ADAMTSL1: variants seen among roughly 807,000 people sequenced by gnomAD.
The protein encoded by ADAMTSL1 is ADAMTS-like protein 1.
A neutral mutation model predicts 201.8 loss-of-function variants in ADAMTSL1; 126 were observed. The observed-to-expected ratio is 0.62, with a 90% confidence interval of 0.54 to 0.72. The LOEUF is 0.72. Ranked by LOEUF, ADAMTSL1 falls within the 30% of genes least tolerant of loss-of-function variation. ADAMTSL1 has a pLI of 0.00. For missense variants in ADAMTSL1, 2,679 were observed against 2,277.8 expected (o/e 1.18, Z -3.59); for synonymous variants, 1,121 against 903.4 (o/e 1.24, Z -4.32).
chr9:18,262,420 A>T (rs989536734), intron 2 of ADAMTSL1, among the ~76,000 whole-genome samples: 3 of 152,214 alleles, frequency 2.0e-5, no homozygotes, highest in African/African-American at 7.2e-5. Flanking sequence ...TAAACATATT[A>T]TTTTTAAATG....
chr9:18,310,807 G>C (rs896830607), intron 2 of ADAMTSL1, among the ~76,000 whole-genome samples: 2 of 152,102 alleles, frequency 1.3e-5, no homozygotes, highest in African/African-American at 4.8e-5. Flanking sequence ...AATTCCTCAA[G>C]GATCTAGAAC....
At position 18,863,633 on chromosome 9, in the gene ADAMTSL1, A is replaced by G. The variant is rs969568709; in HGVS notation, c.4250-24198A>G. On this transcript the variant is annotated intron_variant, in intron 23 of 28. Transcript: ENST00000380548. ...GAGTAACTGAGTTTTTCCAATATGA[A>G]TTAATCATTCCTCTCAGCCAGCTGC... is the stretch of plus-strand genomic sequence containing the variant. 2.5e-4 allele frequency among the ~76,000 whole-genome samples: 38 copies of G among 152,154 alleles called. 1 individual carries two copies. The highest frequency in any genetic ancestry group is 5.3e-4 in the Non-Finnish European group (36 of 68,032).
At chr9:18,238,651 AAG>A (rs1207739964) in intron 2 of ADAMTSL1, among the ~76,000 whole-genome samples, 3 of 152,212 alleles carry the variant, frequency 2.0e-5, no homozygotes, top group Non-Finnish European at 4.4e-5. Context: ...ATATCATAGA[AAG>A]AGAGCACTGA....
At chr9:18,197,689 T>C (rs573113638) in intron 2 of ADAMTSL1, among the ~76,000 whole-genome samples, 1 of 151,038 alleles carries the variant, frequency 6.6e-6, no homozygotes, top group Admixed American at 6.6e-5. Context: ...CCTGCCTAAT[T>C]GCCCTGGCCA....
chr9:18,886,322 G>A (rs761292082), intron 23 of ADAMTSL1, among the ~76,000 whole-genome samples: 5 of 151,092 alleles, frequency 3.3e-5, no homozygotes, highest in Non-Finnish European at 7.4e-5. Flanking sequence ...GGAGTTGGAG[G>A]TTGCTGTGAG....
intron 1 of ADAMTSL1, among the ~76,000 whole-genome samples, chr9:18,091,033 T>C (rs1160046564): frequency 6.6e-6 from 1 of 150,930 alleles, no homozygotes; most frequent in Non-Finnish European, 1.5e-5. Context: ...CTTGAAAGAA[T>C]CTTTAGTTAA....
intron 1 of ADAMTSL1, among the ~76,000 whole-genome samples, chr9:18,055,624 A>C (rs1311902537): frequency 6.6e-6 from 1 of 152,238 alleles, no homozygotes; most frequent in Admixed American, 6.5e-5. Context: ...AACAACCACG[A>C]GGAGTCGTAA....
intron 1 of ADAMTSL1, among the ~76,000 whole-genome samples, chr9:18,031,383 CT>C (rs371936841): frequency 0.014 from 2,134 of 152,082 alleles, 17 homozygotes; most frequent in Non-Finnish European, 0.021. Flanking sequence ...AGTTGATTGG[CT>C]TTTTTTCTGG....
intron 23 of ADAMTSL1, among the ~76,000 whole-genome samples, chr9:18,854,305 A>G (rs1414968089): frequency 6.6e-6 from 1 of 152,160 alleles, no homozygotes; most frequent in Non-Finnish European, 1.5e-5. Flanking sequence ...TGTTAATACA[A>G]CCGTAGGTTC....
chr9:18,792,033 T>C (rs951507996), intron 19 of ADAMTSL1, among the ~76,000 whole-genome samples: 1 of 152,038 alleles, frequency 6.6e-6, no homozygotes, highest in Non-Finnish European at 1.5e-5. Flanking sequence ...TAGGAGAGGG[T>C]TACATCCTCT....
intron 1 of ADAMTSL1, among the ~76,000 whole-genome samples, chr9:18,013,099 C>T (rs1028326426): frequency 6.6e-6 from 1 of 151,776 alleles, no homozygotes; most frequent in African/African-American, 2.4e-5. Flanking sequence ...ATTATTCATC[C>T]TGTACTCTGA....
At chr9:17,934,181 G>T (rs923999772) in intron 1 of ADAMTSL1, among the ~76,000 whole-genome samples, 5 of 152,104 alleles carry the variant, frequency 3.3e-5, no homozygotes, top group Non-Finnish European at 7.3e-5. Flanking sequence ...TGGGATTATT[G>T]TGCATACATA....
intron 9 of ADAMTSL1, 122 bp from the exon 10 acceptor site, chr9:18,675,735 T>C: frequency 1.1e-6 from 1 of 877,804 alleles, no homozygotes; most frequent in South Asian, 1.6e-5. Context: ...TGTTGTTTTA[T>C]AGATACAATT....
intron 2 of ADAMTSL1, among the ~76,000 whole-genome samples, chr9:18,217,623 C>G (rs2132343298): frequency 6.6e-6 from 1 of 152,274 alleles, no homozygotes; most frequent in Admixed American, 6.5e-5. Context: ...CAGGTTATGT[C>G]TAAATGTAGT....
chr9:18,326,886 T>TG, intron 2 of ADAMTSL1, among the ~76,000 whole-genome samples: 1 of 152,248 alleles, frequency 6.6e-6, no homozygotes, highest in East Asian at 1.9e-4. Flanking sequence ...TATGACCTGT[T>TG]GCTTGCAACT....
chr9:18,457,188 G>A (rs1353938780), intron 2 of ADAMTSL1, among the ~76,000 whole-genome samples: 1 of 151,920 alleles, frequency 6.6e-6, no homozygotes, highest in Non-Finnish European at 1.5e-5. Flanking sequence ...CTGAGCTAAT[G>A]TTGAGATATT....
At chr9:18,720,783 A>T (rs770700610) in intron 14 of ADAMTSL1, among the ~76,000 whole-genome samples, 7 of 152,172 alleles carry the variant, frequency 4.6e-5, no homozygotes, top group Admixed American at 1.3e-4. Context: ...TTGAAAAAAA[A>T]TTTTAAAATA....
At chr9:18,824,404 C>T (rs1039115123) in intron 21 of ADAMTSL1, among the ~76,000 whole-genome samples, 1 of 152,182 alleles carries the variant, frequency 6.6e-6, no homozygotes, top group African/African-American at 2.4e-5. Flanking sequence ...GCCAGATTAG[C>T]GTGTGCCTCT....
At chr9:18,892,171 A>C (rs1306714839) in intron 25 of ADAMTSL1, among the ~76,000 whole-genome samples, 1 of 152,278 alleles carries the variant, frequency 6.6e-6, no homozygotes, top group East Asian at 1.9e-4. Flanking sequence ...ATCTGGAAAG[A>C]ACCTTGCCAC....
Sources: gnomAD v4.1 joint callset for allele counts (sites outside exome capture counted in the v4.1 genomes callset) on GRCh38, gnomAD v4.1.1 for gene constraint, MANE v1.5 for transcripts, NCBI Gene and HGNC (gene_info 2026-07-23, HGNC 2026-07-21) for gene names.